The following PACS2 variants were observed in gnomAD, a reference collection of about 807,000 sequenced individuals.
PACS2 encodes PACS1-like protein.
Under a neutral mutation model 113.0 loss-of-function variants are expected in PACS2, and 36 were observed. That is an observed-to-expected ratio of 0.32 (90% CI 0.24 to 0.42). The LOEUF is 0.42. Among genes scored for constraint, PACS2 ranks in the 10% least tolerant of loss-of-function variants. The probability of loss-of-function intolerance (pLI) is 1.00; values close to 1 mark genes in which losing one functional copy is unlikely to be tolerated. For synonymous variants in PACS2, 589 were observed against 536.1 expected, an observed-to-expected ratio of 1.10 and a Z score of -1.36; for missense variants, 1,015 against 1,239.5, an observed-to-expected ratio of 0.82 and a Z score of 2.72.
chr14:105,332,282 G>T (rs587609198), intron 1 of PACS2, among the ~76,000 whole-genome samples: 1 of 152,174 alleles, frequency 6.6e-6, no homozygotes, highest in African/African-American at 2.4e-5. Context: ...CCTCACTGGC[G>T]CTGGGAAGCA....
intron 1 of PACS2, among the ~76,000 whole-genome samples, chr14:105,301,819 T>G (rs962771365): frequency 6.6e-6 from 1 of 152,152 alleles, no homozygotes; most frequent in African/African-American, 2.4e-5. Context: ...ATAGGGCCGG[T>G]GACATACCCA....
chr14:105,390,088 G>T lies in PACS2; in HGVS notation c.2076+85G>T. The stretch of plus-strand genomic sequence containing the variant: ...AGTCAGAACGTTTGGGGATTGACTC[G>T]ATATATTCCAGAACCTTCCCACAGA... On this transcript the variant is annotated intron_variant, in intron 20 of 24. Coordinates refer to ENST00000447393, the MANE Select transcript of PACS2 (RefSeq NM_001100913.3). The T allele has an allele frequency of 3.4e-6, 4 of 1,192,494 alleles. No homozygotes were observed. In the South Asian group the frequency reaches 4.8e-5, roughly 14 times the overall value. 73.9% of individuals were successfully genotyped at this position (1,192,494 alleles called of 1,614,324 possible). A position where few individuals can be genotyped will look rare whatever the true frequency, so the allele number is the denominator to read the frequency against.
chr14:105,325,009 C>T (rs1411802172), intron 1 of PACS2, among the ~76,000 whole-genome samples: 1 of 152,134 alleles, frequency 6.6e-6, no homozygotes, highest in Non-Finnish European at 1.5e-5. Flanking sequence ...CTGGCTGTTC[C>T]GCTCCACTGC....
chr14:105,369,760 G>A (rs192549849), intron 7 of PACS2, 81 bp from the exon 8 acceptor site: 16,500 of 1,270,026 alleles, frequency 0.013, 144 homozygotes, highest in Non-Finnish European at 0.014. Context: ...GCCTGGGTGC[G>A]GCCTGGGCCT....
At chr14:105,328,606 G>T (rs2059203158) in intron 1 of PACS2, among the ~76,000 whole-genome samples, 1 of 152,204 alleles carries the variant, frequency 6.6e-6, no homozygotes, top group Non-Finnish European at 1.5e-5. Context: ...TGGAGGTACT[G>T]CCTGGGGGTA....
Position 105,340,651 on chromosome 14 carries a change from G to A in PACS2, c.120-7842G>A, listed in dbSNP as rs1002242140. Among the ~76,000 whole-genome samples, 4 of 152,210 alleles carry A rather than the reference G, an allele frequency of 2.6e-5. No homozygotes were observed. Among genetic ancestry groups the A allele is most frequent in the Admixed American group, 2.6e-4 (4 of 15,290 alleles). ...TGCTAACAGGCCAGGAACCTGTCCTGGGGGTTGGGGACCTCTGGTCTACAG... is the reference window on the plus strand; with the variant it reads ...TGCTAACAGGCCAGGAACCTGTCCTAGGGGTTGGGGACCTCTGGTCTACAG... On this transcript the variant is annotated intron_variant, in intron 1 of 24. Coordinates refer to ENST00000447393, the MANE Select transcript of PACS2 (RefSeq NM_001100913.3). This position sits in a 1 kb window ranked among gnomAD's most constrained non-coding sequence, Gnocchi z 4.2.
At chr14:105,353,657 A>G (rs1209455140) in intron 3 of PACS2, among the ~76,000 whole-genome samples, 3 of 151,776 alleles carry the variant, frequency 2.0e-5, no homozygotes, top group African/African-American at 4.8e-5. Context: ...AGGCTGGTGC[A>G]GTCTTGGCTC....
At chr14:105,328,875 C>T (rs1425374293) in intron 1 of PACS2, among the ~76,000 whole-genome samples, 2 of 152,258 alleles carry the variant, frequency 1.3e-5, no homozygotes, top group African/African-American at 4.8e-5. Flanking sequence ...CGTCCTCTCT[C>T]AGTGCCACTG....
chr14:105,383,082 TG>T (rs2141249436), intron 15 of PACS2, 169 bp downstream of exon 15: 1 of 627,098 alleles, frequency 1.6e-6, no homozygotes, highest in East Asian at 2.7e-5. Context: ...CCCTCAGTTG[TG>T]GGCGGGAGCA....
intron 4 of PACS2, among the ~76,000 whole-genome samples, chr14:105,359,684 C>A (rs1555406046): frequency 6.6e-6 from 1 of 151,682 alleles, no homozygotes; most frequent in Non-Finnish European, 1.5e-5. Context: ...CTCCACCTCC[C>A]AGGTTCACGC....
At chr14:105,322,420 C>T (rs2058931183) in intron 1 of PACS2, among the ~76,000 whole-genome samples, 1 of 151,606 alleles carries the variant, frequency 6.6e-6, no homozygotes, top group Non-Finnish European at 1.5e-5. Flanking sequence ...CGCGCCACCG[C>T]ACCCGGCTCA....
At chr14:105,332,565 G>T (rs1566910496) in intron 1 of PACS2, among the ~76,000 whole-genome samples, 1 of 152,238 alleles carries the variant, frequency 6.6e-6, no homozygotes, top group Non-Finnish European at 1.5e-5. Context: ...CACAGGCAAT[G>T]GTGGGGCTCG....
chr14:105,364,277 C>T lies in PACS2; in HGVS notation c.424-2936C>T, dbSNP rs142532911. Reference sequence around the variant, plus strand: ...GAGTGAGGGCTGCAGCCCGGGTGCGCGGTGGGCGGCGGCCTGCGGGTGTGG... The same window carrying T: ...GAGTGAGGGCTGCAGCCCGGGTGCGTGGTGGGCGGCGGCCTGCGGGTGTGG... On this transcript the variant is annotated intron_variant, in intron 4 of 24. Transcript: ENST00000447393. Among the ~76,000 whole-genome samples, 872 of 145,794 alleles carry T rather than the reference C, an allele frequency of 6.0e-3. 12 individuals are homozygous for T. The highest frequency in any genetic ancestry group is 0.023 in the African/African-American group (807 of 35,826).
intron 18 of PACS2, among the ~76,000 whole-genome samples, 183 bp downstream of exon 18, chr14:105,385,170 C>T (rs1595165875): frequency 6.6e-6 from 1 of 152,212 alleles, no homozygotes. Context: ...TCCCCGCACC[C>T]CAGATCCCTC....
In PACS2 at chr14:105,330,793, G is replaced by A. The variant is rs587723474; in HGVS notation, c.119+15756G>A. Among the ~76,000 whole-genome samples, 10 of 152,308 alleles carry A rather than the reference G, an allele frequency of 6.6e-5. No individual in the cohort carries two copies. The highest frequency in any genetic ancestry group is 1.3e-4 in the Non-Finnish European group (9 of 68,032). ...CCTGTGGTCAGTCATTTCTGTCCTC[G>A]CCTTTACCTCAAATCCTGCTTTTTG... On this transcript the variant is annotated intron_variant, in intron 1 of 24. Coordinates refer to ENST00000447393, the MANE Select transcript of PACS2 (RefSeq NM_001100913.3). This position sits in a 1 kb window ranked among gnomAD's most constrained non-coding sequence, Gnocchi z 6.9.
chr14:105,385,507 A>G (rs1446879717), intron 18 of PACS2, among the ~76,000 whole-genome samples, 178 bp from the exon 19 acceptor site: 2 of 152,088 alleles, frequency 1.3e-5, no homozygotes, highest in Admixed American at 1.3e-4. Context: ...ACTGTCCCAC[A>G]CCTTCCCTAG....
intron 1 of PACS2, among the ~76,000 whole-genome samples, chr14:105,343,578 T>A (rs2059813165): frequency 6.6e-6 from 1 of 152,214 alleles, no homozygotes; most frequent in African/African-American, 2.4e-5. Flanking sequence ...GTGTAGTTGG[T>A]ATCTCGTTTG....
intron 5 of PACS2, 100 bp from the exon 6 acceptor site, chr14:105,367,974 C>T (rs2060999418): frequency 1.3e-6 from 1 of 782,648 alleles, no homozygotes; most frequent in Admixed American, 1.9e-5. Context: ...CACCTCCTCG[C>T]TGCCCCCACT....
At position 105,356,668 on chromosome 14, in the gene PACS2, CG is replaced by C; in HGVS notation, c.423+1492del. ...CTCTGTTTCCCATTAGCCATGCAGG[CG>C]AGGTCCTGCTGATCCCTGCCGGTCC... On this transcript the variant is annotated intron_variant, in intron 4 of 24. Transcript: ENST00000447393. This position sits in a 1 kb window ranked among gnomAD's most constrained non-coding sequence, Gnocchi z 4.0. 6.6e-6 allele frequency among the ~76,000 whole-genome samples: 1 copy of C among 152,028 alleles called. No individual in the cohort carries two copies.
Sources: gnomAD v4.1 joint callset for allele counts (sites outside exome capture counted in the v4.1 genomes callset) on GRCh38, gnomAD v4.1.1 for gene constraint, Gnocchi (gnomAD v3.1) non-coding constraint, MANE v1.5 for transcripts, NCBI Gene and HGNC (gene_info 2026-07-23, HGNC 2026-07-21) for gene names.